MAP3K7CL: variants seen among roughly 807,000 people sequenced by gnomAD.
MAP3K7CL encodes MAP3K7 C-terminal-like protein.
In MAP3K7CL, 16 loss-of-function variants were observed where a neutral mutation model predicts 18.6. The observed-to-expected ratio is 0.86, with a 90% CI of 0.58 to 1.31. MAP3K7CL has a LOEUF of 1.31. MAP3K7CL is among the 50% of genes most tolerant of loss of function. MAP3K7CL has a pLI of 0.00. For synonymous variants in MAP3K7CL, 65 were observed against 66.8 expected, an observed-to-expected ratio of 0.97 and a Z score of 0.13; for missense variants, 163 against 174.4, an observed-to-expected ratio of 0.93 and a Z score of 0.37.
At chr21:29,143,169 A>G (rs191898272) in intron 2 of MAP3K7CL, among the ~76,000 whole-genome samples, 123 of 149,698 alleles carry the variant, frequency 8.2e-4, no homozygotes, top group Middle Eastern at 3.5e-3. Context: ...TCATTCAAAA[A>G]TTTTTAAGAA....
chr21:29,092,454 C>T (rs757155466), exon 4 of MAP3K7CL: 1 of 1,614,198 alleles, frequency 6.2e-7, no homozygotes, highest in South Asian at 1.1e-5. Flanking sequence ...CAGTTTTATG[C>T]TCTGCAACAA....
intron 2 of MAP3K7CL, among the ~76,000 whole-genome samples, chr21:29,139,751 A>T (rs1261798252): frequency 6.6e-6 from 1 of 151,940 alleles, no homozygotes; most frequent in Admixed American, 6.6e-5. Flanking sequence ...AGCCCAGCTA[A>T]TTTTTGTATT....
intron 4 of MAP3K7CL, among the ~76,000 whole-genome samples, chr21:29,163,954 G>A (rs56039750): frequency 0.031 from 4,635 of 151,742 alleles, 204 homozygotes; most frequent in African/African-American, 0.095. Context: ...CACGTCAGCC[G>A]CCCAAAGTGC....
At chr21:29,142,119 C>T (rs1400407693) in intron 2 of MAP3K7CL, among the ~76,000 whole-genome samples, 1 of 151,884 alleles carries the variant, frequency 6.6e-6, no homozygotes, top group Non-Finnish European at 1.5e-5. Context: ...GACTGGAGTG[C>T]AGTAGCATGA....
At position 29,115,675 on chromosome 21, in the gene MAP3K7CL, C is replaced by T. The variant is rs76654678; in HGVS notation, c.370+23094C>T. On this transcript the variant is annotated intron_variant, in intron 4 of 6. Coordinates refer to the MAP3K7CL transcript ENST00000286791. The stretch of plus-strand genomic sequence containing the variant: ...TAGGACTGGTTCCATAGCTTCCAGA[C>T]TCTTGTTCAAATCTCAATGAAATGA... Among the ~76,000 whole-genome samples the T allele has an allele frequency of 5.3e-3, 806 of 152,252 alleles. 7 individuals carry two copies. Among genetic ancestry groups the T allele is most frequent in the African/African-American group, 0.019 (769 of 41,536 alleles).
intron 3 of MAP3K7CL, among the ~76,000 whole-genome samples, chr21:29,156,162 A>T (rs1198720846): frequency 6.6e-6 from 1 of 152,206 alleles, no homozygotes; most frequent in African/African-American, 2.4e-5. Context: ...TTTCCTCCTG[A>T]TGTGAAAAAT....
chr21:29,088,010 C>A (rs961127050), intron 1 of MAP3K7CL, among the ~76,000 whole-genome samples: 1 of 152,122 alleles, frequency 6.6e-6, no homozygotes, highest in African/African-American at 2.4e-5. Flanking sequence ...GAGGAAATTA[C>A]GATTGTATTT....
intron 1 of MAP3K7CL, among the ~76,000 whole-genome samples, chr21:29,091,302 G>A (rs1245372582): frequency 6.6e-6 from 1 of 152,110 alleles, no homozygotes; most frequent in East Asian, 1.9e-4. Context: ...ACATGAGATG[G>A]CCTGTGTTCC....
chr21:29,081,287 C>G (rs372297782), upstream of MAP3K7CL, among the ~76,000 whole-genome samples: 15 of 152,212 alleles, frequency 9.9e-5, no homozygotes, highest in African/African-American at 3.6e-4. Context: ...TGGTGGCTCA[C>G]GCCTATAATC....
chr21:29,160,003 A>G lies in MAP3K7CL; in HGVS notation c.195A>G (p.Ile65Met). 6.2e-7 allele frequency: 1 copy of G among 1,614,130 alleles called. No homozygotes were observed. Among genetic ancestry groups the G allele is most frequent in the African/African-American group, 1.3e-5 (1 of 75,046 alleles). Reference protein sequence around the residue: ...SMEVFKQHCQIAEEYHEVKKE... With the variant: ...SMEVFKQHCQMAEEYHEVKKE... ...AGGTGTTCAAACAGCACTGCCAAAT[A>G]GCAGAAGAATACCATGAGGTCAAAA... The change falls in exon 4 of 5, where the codon ATA (isoleucine) becomes ATG (methionine). Residue 65 changes from isoleucine to methionine, a missense_variant. Coordinates refer to ENST00000399928, the MANE Select transcript of MAP3K7CL (RefSeq NM_001286620.2).
intron 1 of MAP3K7CL, among the ~76,000 whole-genome samples, chr21:29,078,258 C>G (rs2085781012): frequency 6.6e-6 from 1 of 151,942 alleles, no homozygotes; most frequent in Non-Finnish European, 1.5e-5. Context: ...TGGAGTCTGA[C>G]TCATTTTGTG....
At chr21:29,085,526 G>A (rs577480125), upstream of MAP3K7CL, among the ~76,000 whole-genome samples, 49 of 123,746 alleles carry the variant, frequency 4.0e-4, no homozygotes, top group African/African-American at 1.5e-3. Flanking sequence ...CAGCCTGGGT[G>A]ACAGAGCCAG....
At chr21:29,087,175 G>C (rs2085939355) in intron 1 of MAP3K7CL, among the ~76,000 whole-genome samples, 3 of 152,142 alleles carry the variant, frequency 2.0e-5, no homozygotes, top group African/African-American at 7.2e-5. Context: ...AGACCTTAGT[G>C]TGGTTGATGC....
At chr21:29,109,285 T>C in intron 4 of MAP3K7CL, 1 of 1,502,952 alleles carries the variant, frequency 6.7e-7, no homozygotes, top group Non-Finnish European at 8.9e-7. Context: ...GTGTAATGCT[T>C]ATTTTGTGCC....
Position 29,174,771 on chromosome 21 carries a change from TGGTTCGG to T in MAP3K7CL, c.310_316del (p.Val104AsnfsTer5). 6.2e-7 allele frequency: 1 copy of T among 1,614,194 alleles called. No individual in the cohort carries two copies. Among genetic ancestry groups the T allele is most frequent in the Non-Finnish European group, 8.5e-7 (1 of 1,180,016 alleles). On this transcript the variant is annotated frameshift_variant, in exon 5 of 5. Transcript: ENST00000399928. LOFTEE classifies it high-confidence loss of function. ...AAGGAGAAGGTGGATGCTGCTGAGC[TGGTTCGG>T]GAATTCGAGGCTCTGACGGAGGAGA...
Position 29,149,117 on chromosome 21 carries a change from C to T in MAP3K7CL, c.71-72C>T. Reference sequence around the variant, plus strand: ...GAAACAGTGTATACTGATGGTCTAACTCTGGGGGAGTCCAAGGACTCCTAC... The same window carrying T: ...GAAACAGTGTATACTGATGGTCTAATTCTGGGGGAGTCCAAGGACTCCTAC... On this transcript the variant is annotated intron_variant, in intron 2 of 4. Coordinates refer to ENST00000399928, the MANE Select transcript of MAP3K7CL (RefSeq NM_001286620.2). The T allele has an allele frequency of 3.3e-6, 4 of 1,227,274 alleles. No individual in the cohort carries two copies. In the African/African-American group the frequency reaches 4.5e-5, roughly 14 times the overall value. The allele number at this position is 1,227,274 out of a possible 1,614,324, so 76.0% of individuals were successfully genotyped here. A position where few individuals can be genotyped will look rare whatever the true frequency, so the allele number is the denominator to read the frequency against.
In MAP3K7CL at chr21:29,111,480, A is replaced by C. The variant is rs184530976; in HGVS notation, c.370+18899A>C. On this transcript the variant is annotated intron_variant, in intron 4 of 6. Coordinates refer to the MAP3K7CL transcript ENST00000286791. ...CCATTGTCCCCCTTCCCACTGCACC[A>C]CATCAACATGTTTAGATCTATCTTC... 4.7e-3 allele frequency among the ~76,000 whole-genome samples: 708 copies of C among 152,238 alleles called. 3 individuals carry two copies. The highest frequency in any genetic ancestry group is 8.5e-3 in the Admixed American group (130 of 15,298).
intron 4 of MAP3K7CL, among the ~76,000 whole-genome samples, chr21:29,119,959 C>T (rs2086565129): frequency 6.6e-6 from 1 of 152,202 alleles, no homozygotes; most frequent in Non-Finnish European, 1.5e-5. Context: ...GCCACCATGC[C>T]TGGCCTTTAA....
chr21:29,170,923 G>A (rs2087811166), intron 4 of MAP3K7CL, among the ~76,000 whole-genome samples: 1 of 142,754 alleles, frequency 7.0e-6, no homozygotes, highest in Admixed American at 7.2e-5. Context: ...ACAGGTGTGA[G>A]CCTCTGTGCC....
Sources: gnomAD v4.1 joint callset for allele counts (sites outside exome capture counted in the v4.1 genomes callset) on GRCh38, gnomAD v4.1.1 for gene constraint, MANE v1.5 for transcripts, NCBI Gene and HGNC (gene_info 2026-07-23, HGNC 2026-07-21) for gene names.